ERC2: variants seen among roughly 807,000 people sequenced by gnomAD.
The protein encoded by ERC2 is ERC protein 2.
A neutral mutation model predicts 114.8 loss-of-function variants in ERC2; 42 were observed. The observed-to-expected ratio is 0.37, with a 90% CI of 0.29 to 0.47. The LOEUF (loss-of-function observed/expected upper bound fraction) is 0.47. Ranked by LOEUF, ERC2 falls within the 20% of genes least tolerant of loss-of-function variation. ERC2 has a pLI of 0.99. For synonymous variants in ERC2, 454 were observed against 425.5 expected, an observed-to-expected ratio of 1.07 and a Z score of -0.82; for missense variants, 939 against 1,150.7, an observed-to-expected ratio of 0.82 and a Z score of 2.66.
In ERC2 at chr3:55,767,571, G is replaced by A. The variant is rs567695567; in HGVS notation, c.2565-32653C>T. Reference sequence around the variant, plus strand: ...CCCAGGAGGCAAGGTGGTCCTTCATGCGTATAGACCTCTAAGAAGCCCGCC... The same window carrying A: ...CCCAGGAGGCAAGGTGGTCCTTCATACGTATAGACCTCTAAGAAGCCCGCC... On this transcript the variant is annotated intron_variant, in intron 14 of 17. Coordinates refer to ENST00000288221, the MANE Select transcript of ERC2 (RefSeq NM_015576.3). Among the ~76,000 whole-genome samples the A allele has an allele frequency of 8.5e-5, 13 of 152,244 alleles. No individual in the cohort carries two copies. In the East Asian group the frequency reaches 2.3e-3, roughly 27 times the overall value.
chr3:55,820,545 A>T (rs1358474300), intron 14 of ERC2, among the ~76,000 whole-genome samples: 1 of 152,150 alleles, frequency 6.6e-6, no homozygotes, highest in Non-Finnish European at 1.5e-5. Context: ...CTTATTCTGA[A>T]AGCGTGTGTG....
chr3:55,956,989 C>A (rs2068002149), intron 12 of ERC2, among the ~76,000 whole-genome samples: 1 of 152,124 alleles, frequency 6.6e-6, no homozygotes, highest in Admixed American at 6.5e-5. Flanking sequence ...TCAGTTAAAT[C>A]TCACAACGCC....
intron 13 of ERC2, among the ~76,000 whole-genome samples, chr3:55,911,315 T>C (rs185856371): frequency 6.6e-6 from 1 of 152,208 alleles, no homozygotes; most frequent in Non-Finnish European, 1.5e-5. Flanking sequence ...AGATTTCTTG[T>C]GCTTTCAAAG....
chr3:55,761,295 G>A (rs1245872467), intron 14 of ERC2, among the ~76,000 whole-genome samples: 1 of 152,140 alleles, frequency 6.6e-6, no homozygotes. Flanking sequence ...AAAAATACAG[G>A]AGTTCAGTTA....
intron 17 of ERC2, among the ~76,000 whole-genome samples, chr3:55,625,477 C>A (rs993100067): frequency 6.6e-6 from 1 of 150,574 alleles, no homozygotes; most frequent in Non-Finnish European, 1.5e-5. Context: ...GGAGGCTGGG[C>A]GTGGTAGCTC....
At chr3:56,314,230 C>T (rs1357221293) in intron 2 of ERC2, among the ~76,000 whole-genome samples, 1 of 152,084 alleles carries the variant, frequency 6.6e-6, no homozygotes, top group Non-Finnish European at 1.5e-5. Context: ...GTCATATAAC[C>T]TTGCGGAGGT....
intron 6 of ERC2, among the ~76,000 whole-genome samples, chr3:56,081,959 G>T (rs967561084): frequency 1.3e-5 from 2 of 152,064 alleles, no homozygotes; most frequent in Non-Finnish European, 2.9e-5. Flanking sequence ...TTTATTTGAA[G>T]GATTATTGTC....
At chr3:56,081,886 T>C (rs1297632043) in intron 6 of ERC2, among the ~76,000 whole-genome samples, 1 of 152,176 alleles carries the variant, frequency 6.6e-6, no homozygotes, top group African/African-American at 2.4e-5. Flanking sequence ...TACAACACCA[T>C]ATTTGCAACC....
chr3:56,003,066 A>T (rs975236511), intron 10 of ERC2: 1 of 1,284,858 alleles, frequency 7.8e-7, no homozygotes, highest in Admixed American at 2.3e-5. Flanking sequence ...ATGCTTTGAT[A>T]TGTTACAGCG....
At chr3:56,175,094 C>CTAT (rs1560309069) in intron 3 of ERC2, among the ~76,000 whole-genome samples, 1 of 152,146 alleles carries the variant, frequency 6.6e-6, no homozygotes, top group Admixed American at 6.6e-5. Flanking sequence ...TGCCCACATC[C>CTAT]TATTATGCTG....
intron 4 of ERC2, among the ~76,000 whole-genome samples, chr3:56,165,393 A>G (rs908283440): frequency 2.0e-5 from 3 of 152,034 alleles, no homozygotes; most frequent in East Asian, 1.9e-4. Flanking sequence ...ATATGTATAC[A>G]TGTGCCATGC....
At chr3:56,440,358 A>C (rs916839166) in intron 1 of ERC2, among the ~76,000 whole-genome samples, 5 of 152,148 alleles carry the variant, frequency 3.3e-5, no homozygotes, top group African/African-American at 1.2e-4. Context: ...CCTGGCTAAC[A>C]CGGTGAAACC....
intron 2 of ERC2, among the ~76,000 whole-genome samples, chr3:56,375,829 C>T (rs757489157): frequency 6.6e-6 from 1 of 152,168 alleles, no homozygotes. Flanking sequence ...ATGATTTCTG[C>T]CAGCTTACAT....
chr3:56,281,129 T>A (rs1208454444), intron 3 of ERC2, among the ~76,000 whole-genome samples: 1 of 152,208 alleles, frequency 6.6e-6, no homozygotes, highest in East Asian at 1.9e-4. Flanking sequence ...CTTCATTTGC[T>A]ATAGGACATT....
intron 2 of ERC2, among the ~76,000 whole-genome samples, chr3:56,320,673 T>A (rs967343454): frequency 6.6e-6 from 1 of 151,776 alleles, no homozygotes; most frequent in African/African-American, 2.4e-5. Flanking sequence ...AGAAAAAAAA[T>A]AAATCTAGAA....
In ERC2 at chr3:56,209,074, A is replaced by G. The variant is rs1412820003; in HGVS notation, c.1075-35554T>C. On this transcript the variant is annotated intron_variant, in intron 3 of 17. Transcript: ENST00000288221. ...CCCTTCAAAGGCTCCTCAGCACCCA[A>G]TGGATCAAGTCCAAGCATCTCAAGG... Among the ~76,000 whole-genome samples the G allele has an allele frequency of 4.6e-5, 7 of 152,062 alleles. No homozygotes were observed. The South Asian group carries it at 1.2e-3, about 27-fold the overall frequency.
intron 10 of ERC2, among the ~76,000 whole-genome samples, chr3:55,999,491 T>C (rs1479956112): frequency 6.6e-6 from 1 of 152,108 alleles, no homozygotes; most frequent in Non-Finnish European, 1.5e-5. Flanking sequence ...TATAAAATTA[T>C]CTTATTTAAC....
intron 14 of ERC2, among the ~76,000 whole-genome samples, chr3:55,845,261 T>G (rs1020285145): frequency 6.6e-6 from 1 of 151,938 alleles, no homozygotes; most frequent in Admixed American, 6.6e-5. Context: ...TCCCAGCACT[T>G]TGGGAGGCCG....
At chr3:56,237,664 T>C (rs1244637377) in intron 3 of ERC2, among the ~76,000 whole-genome samples, 2 of 152,152 alleles carry the variant, frequency 1.3e-5, no homozygotes, top group Non-Finnish European at 2.9e-5. Context: ...TTGCTTTCTT[T>C]TTTTTTCTAT....
Sources: allele counts gnomAD v4.1 joint callset (sites outside exome capture counted in the v4.1 genomes callset), GRCh38; gene constraint gnomAD v4.1.1; transcripts MANE v1.5; gene names NCBI Gene and HGNC (gene_info 2026-07-23, HGNC 2026-07-21).